FAM200A: variants seen among roughly 807,000 people sequenced by gnomAD.
The protein encoded by FAM200A is protein FAM200A.
FAM200A carries 26 observed loss-of-function variants against 44.2 expected under a neutral mutation model. The observed-to-expected ratio is 0.59, with a 90% CI of 0.43 to 0.82. The LOEUF (loss-of-function observed/expected upper bound fraction) is 0.82, where lower values mean the gene tolerates loss of function less well. Ranked by LOEUF, FAM200A falls within the 40% of genes least tolerant of loss-of-function variation. The pLI is 0.00. For synonymous variants in FAM200A, 206 were observed against 244.4 expected (o/e 0.84, Z 1.47); for missense variants, 606 against 669.5 (o/e 0.91, Z 1.05).
chr7:99,549,653 C>T (rs1319327148), intron 1 of FAM200A, among the ~76,000 whole-genome samples: 1 of 152,190 alleles, frequency 6.6e-6, no homozygotes, highest in Non-Finnish European at 1.5e-5. Flanking sequence ...CCAACCCAAA[C>T]ATCCATCAAT....
chr7:99,546,352 T>C lies in FAM200A; in HGVS notation c.*334A>G. 4.9e-6 allele frequency: 1 copy of C among 203,766 alleles called. No individual in the cohort carries two copies. Among genetic ancestry groups the C allele is most frequent in the Non-Finnish European group, 9.7e-6 (1 of 103,408 alleles). 12.6% of individuals were successfully genotyped at this position (203,766 alleles called of 1,614,324 possible). ...CGTTTAACTACAACATACTGCAAAA[T>C]CCCTTTAAAAGTACAAATACAATTT... On this transcript the variant is annotated 3_prime_UTR_variant, in exon 2 of 2. Transcript: ENST00000449309.
At chr7:99,557,507 G>C (rs888343702) in intron 1 of FAM200A, among the ~76,000 whole-genome samples, 4 of 152,176 alleles carry the variant, frequency 2.6e-5, no homozygotes, top group African/African-American at 9.7e-5. Flanking sequence ...ATCACCAGGG[G>C]TGTATTTCTG....
chr7:99,556,935 C>T (rs974165704), upstream of FAM200A, among the ~76,000 whole-genome samples: 1 of 152,164 alleles, frequency 6.6e-6, no homozygotes, highest in Non-Finnish European at 1.5e-5. Context: ...ACTCTGGAGG[C>T]TGAGGCAGGG....
chr7:99,557,779 TC>T (rs1210162420), intron 1 of FAM200A, among the ~76,000 whole-genome samples: 1 of 152,232 alleles, frequency 6.6e-6, no homozygotes, highest in Non-Finnish European at 1.5e-5. Context: ...ATTTGAAACG[TC>T]CAGTAACATT....
upstream of FAM200A, among the ~76,000 whole-genome samples, chr7:99,553,018 CATATATATACATGTATATATATAT>C (rs1268101946): frequency 9.4e-3 from 1,236 of 131,364 alleles, 25 homozygotes; most frequent in African/African-American, 0.035. Flanking sequence ...TATATATACA[CATATATATACATGTATATATATAT>C]ACACACACAT....
rs941874559 is a variant in FAM200A at position 99,547,610 on chromosome 7, T to G, written c.798A>C (p.Lys266Asn). The G allele has an allele frequency of 6.4e-7, 1 of 1,551,314 alleles. No individual in the cohort carries two copies. The highest frequency in any genetic ancestry group is 1.4e-5 in the African/African-American group (1 of 73,172). Residue 266 changes from lysine (K) to asparagine (N), a missense_variant, in exon 2 of 2, where the codon AAA becomes AAC. Physicochemically the swap from Lys to Asn is moderately conservative, Grantham distance 94. Coordinates refer to ENST00000449309, the MANE Select transcript of FAM200A (RefSeq NM_145111.4). ...AGCTTCCTTTAATAAAATTAACAGT[T>G]TTCACTGCATTTTTCAATACATCCA... ...SLMDVLKNAV[K>N]TVNFIKGSSL...
rs1307339039 is a variant in FAM200A, at chr7:99,552,090, C to T, written c.-336G>A. Reference sequence around the variant, plus strand: ...TAGACTCACATCCAAGCCCCCTGGCCTTCAGAGCCCAGGGAAAGCGTCACA... The same window carrying T: ...TAGACTCACATCCAAGCCCCCTGGCTTTCAGAGCCCAGGGAAAGCGTCACA... On this transcript the variant is annotated 5_prime_UTR_variant, in exon 1 of 2. Coordinates refer to ENST00000449309, the MANE Select transcript of FAM200A (RefSeq NM_145111.4). The T allele has an allele frequency of 1.0e-6, 1 of 985,388 alleles. No individual in the cohort carries two copies. Among genetic ancestry groups the T allele is most frequent in the Non-Finnish European group, 1.2e-6 (1 of 829,966 alleles). The allele number at this position is 985,388 out of a possible 1,614,324, so 61.0% of individuals were successfully genotyped here.
upstream of FAM200A, among the ~76,000 whole-genome samples, chr7:99,557,058 C>T (rs894848049): frequency 9.2e-5 from 14 of 152,040 alleles, no homozygotes; most frequent in African/African-American, 3.4e-4. Context: ...AAGACAAAAA[C>T]GAAAAAAGGT....
intron 1 of FAM200A, among the ~76,000 whole-genome samples, chr7:99,548,975 G>A (rs1374348243): frequency 7.2e-6 from 1 of 138,912 alleles, no homozygotes; most frequent in African/African-American, 2.7e-5. Context: ...CACTTCCCAG[G>A]TTAAAGTGAT....
At chr7:99,551,766 T>G (rs1489299470) in intron 1 of FAM200A, 88 bp downstream of exon 1, 5 of 957,162 alleles carry the variant, frequency 5.2e-6, no homozygotes, top group Non-Finnish European at 6.2e-6. Context: ...ACACCAGGAC[T>G]GGGGGTCCAG....
chr7:99,555,753 C>A (rs1418507169), upstream of FAM200A, among the ~76,000 whole-genome samples: 2 of 151,830 alleles, frequency 1.3e-5, no homozygotes, highest in African/African-American at 2.4e-5. Context: ...TACTAAAATA[C>A]AAAAATGCTG....
Position 99,548,304 on chromosome 7 carries a change from T to C in FAM200A, c.104A>G (p.His35Arg), listed in dbSNP as rs75129401. The change falls in exon 2 of 2, where the codon CAT becomes CGT. Residue 35 changes from histidine to arginine, a missense_variant. By Grantham distance (29) the His-to-Arg change is conservative. Coordinates refer to ENST00000449309, the MANE Select transcript of FAM200A (RefSeq NM_145111.4). The part of the protein sequence containing the change: ...VKVEEEDEED[H>R]FQKERNKVES... ...TACTTTGTTTCTTTCCTTTTGAAAA[T>C]GGTCTTCTTCATCTTCCTCCTCCAC... 843 of 1,614,158 alleles carry C rather than the reference T, an allele frequency of 5.2e-4. 11 individuals carry two copies. In the East Asian group the frequency reaches 0.017, roughly 33 times the overall value.
At position 99,547,080 on chromosome 7, in the gene FAM200A, A is replaced by T. The variant is rs1030526178; in HGVS notation, c.1328T>A (p.Phe443Tyr). The T allele has an allele frequency of 5.8e-6, 9 of 1,546,488 alleles. No individual in the cohort carries two copies. The African/African-American group carries it at 8.2e-5, about 14-fold the overall frequency. The change falls in exon 2 of 2, where the codon TTT (phenylalanine) becomes TAT (tyrosine). Residue 443 changes from phenylalanine (F) to tyrosine (Y), a missense_variant. By Grantham distance (22) the Phe-to-Tyr change is conservative (BLOSUM62 3). Coordinates refer to ENST00000449309, the MANE Select transcript of FAM200A (RefSeq NM_145111.4). ...CCAAATATTTTCCTTTAATGATTCA[A>T]ATTTCTCTTCCGGAAAGTAATAATT... ...TFNYYFPEEK[F>Y]ESLKENIWMK...
At chr7:99,551,478 G>C (rs1164941927) in intron 1 of FAM200A, among the ~76,000 whole-genome samples, 1 of 152,184 alleles carries the variant, frequency 6.6e-6, no homozygotes, top group Non-Finnish European at 1.5e-5. Flanking sequence ...GATTATGGGC[G>C]TGAGCCACTG....
upstream of FAM200A, among the ~76,000 whole-genome samples, chr7:99,552,548 TTTCCAACAC>T (rs759927156): frequency 6.6e-6 from 1 of 152,208 alleles, no homozygotes; most frequent in Non-Finnish European, 1.5e-5. Flanking sequence ...ACAGACGTTC[TTTCCAACAC>T]TAGATAGTTA....
intron 1 of FAM200A, chr7:99,558,244 A>G (rs1358812739): frequency 6.6e-6 from 1 of 151,936 alleles, no homozygotes; most frequent in Non-Finnish European, 1.5e-5. Context: ...CCCCTGTGCT[A>G]CTCACGGAAG....
In FAM200A at chr7:99,547,455, T is replaced by C; in HGVS notation, c.953A>G (p.Asn318Ser). The change falls in exon 2 of 2, where the codon AAC (asparagine) becomes AGC (serine). Residue 318 changes from asparagine (N) to serine (S), a missense_variant. By Grantham distance (46) the Asn-to-Ser change is conservative. Transcript: ENST00000449309. Reference sequence around the variant, plus strand: ...TTCAACGAGAAAAATGTAAATCTCGTTCCTGAGTTCATATACTCTGCTCAA... The same window carrying C: ...TTCAACGAGAAAAATGTAAATCTCGCTCCTGAGTTCATATACTCTGCTCAA... The part of the protein sequence containing the change: ...KVLSRVYELR[N>S]EIYIFLVEKQ... 1.3e-6 allele frequency: 2 copies of C among 1,551,460 alleles called. No homozygotes were observed. The highest frequency in any genetic ancestry group is 2.4e-5 in the South Asian group (2 of 83,962).
upstream of FAM200A, among the ~76,000 whole-genome samples, chr7:99,556,034 C>G (rs1285818799): frequency 6.6e-6 from 1 of 152,156 alleles, no homozygotes; most frequent in Non-Finnish European, 1.5e-5. Flanking sequence ...AGGACCTGTA[C>G]CAATTTTTTT....
In FAM200A at chr7:99,548,010, C is replaced by T. The variant is rs749158438; in HGVS notation, c.398G>A (p.Arg133Gln). ...TGCAAAGTCTATACCGGACTGCAGC[C>T]GTGTAATAAGCATTGCTTCCAAATG... is the stretch of plus-strand genomic sequence containing the variant. Reference protein sequence around the residue: ...AKHLEAMLITRLQSGIDFAIQ... With the variant: ...AKHLEAMLITQLQSGIDFAIQ... Residue 133 changes from arginine (R) to glutamine (Q), a missense_variant, in exon 2 of 2, where the codon CGG becomes CAG. Arg to Gln is a conservative substitution (Grantham distance 43). Coordinates refer to ENST00000449309, the MANE Select transcript of FAM200A (RefSeq NM_145111.4). 1.8e-5 allele frequency: 28 copies of T among 1,551,282 alleles called. No homozygotes were observed. Among genetic ancestry groups the T allele is most frequent in the Non-Finnish European group, 2.1e-5 (24 of 1,146,970 alleles).
Sources: allele counts gnomAD v4.1 joint callset (sites outside exome capture counted in the v4.1 genomes callset), GRCh38; gene constraint gnomAD v4.1.1; transcripts MANE v1.5; gene names NCBI Gene and HGNC (gene_info 2026-07-23, HGNC 2026-07-21).